The following COL6A6 variants were observed in gnomAD, a reference collection of about 807,000 sequenced individuals.
COL6A6 encodes collagen alpha-6(VI) chain.
In COL6A6, 183 loss-of-function variants were observed where a neutral mutation model predicts 208.6. The observed-to-expected ratio is 0.88, with a 90% CI of 0.78 to 0.99. COL6A6 has a LOEUF of 0.99. Among genes scored for constraint, COL6A6 ranks in the 50% least tolerant of loss-of-function variants. COL6A6 has a pLI of 0.00. For synonymous variants in COL6A6, 973 were observed against 1,011.8 expected, an observed-to-expected ratio of 0.96 and a Z score of 0.73; for missense variants, 2,816 against 2,815.2, an observed-to-expected ratio of 1.00 and a Z score of -0.01.
chr3:130,574,413 C>A lies in COL6A6; in HGVS notation c.3435C>A (p.Leu1145=). The change falls in exon 8 of 37, where the codon CTC becomes CTA. Residue 1145 remains leucine (L), a synonymous_variant. Transcript: ENST00000358511. ...TTGGGGATGTGGATGACCAGCAGCT[C>A]ATTCAGATCACCGGGACTGCAGAGA... ...VGIGDVDDQQ[L]IQITGTAEKK... 2 of 1,614,002 alleles carry A rather than the reference C, an allele frequency of 1.2e-6. No homozygotes were observed. Among genetic ancestry groups the A allele is most frequent in the Non-Finnish European group, 1.7e-6 (2 of 1,179,886 alleles).
intron 8 of COL6A6, among the ~76,000 whole-genome samples, chr3:130,574,955 C>A (rs1241705701): frequency 6.6e-6 from 1 of 152,120 alleles, no homozygotes; most frequent in African/African-American, 2.4e-5. Context: ...AGGTTTATAT[C>A]TTTATTATGA....
chr3:130,662,457 A>G lies in COL6A6; in HGVS notation c.6502+149A>G, dbSNP rs2065962470. On this transcript the variant is annotated intron_variant, in intron 35 of 36. Transcript: ENST00000358511. Reference sequence around the variant, plus strand: ...CAGAAAGGAAAATATATAATGACGGATGGTAGAAGGGAGGAAACCTCTGAT... The same window carrying G: ...CAGAAAGGAAAATATATAATGACGGGTGGTAGAAGGGAGGAAACCTCTGAT... 9 of 736,510 alleles carry G rather than the reference A, an allele frequency of 1.2e-5. No individual in the cohort carries two copies. In the South Asian group the frequency reaches 1.7e-4, roughly 14 times the overall value. The allele number at this position is 736,510 out of a possible 1,614,324, so 45.6% of individuals were successfully genotyped here. A position where few individuals can be genotyped will look rare whatever the true frequency, so the allele number is the denominator to read the frequency against.
intron 23 of COL6A6, among the ~76,000 whole-genome samples, chr3:130,618,809 GTT>G (rs2064615623): frequency 6.6e-6 from 1 of 152,208 alleles, no homozygotes; most frequent in Non-Finnish European, 1.5e-5. Context: ...TATTTTGAAA[GTT>G]CTTAAAACAG....
intron 1 of COL6A6, among the ~76,000 whole-genome samples, chr3:130,552,024 G>A (rs2062653796): frequency 6.6e-6 from 1 of 152,032 alleles, no homozygotes; most frequent in South Asian, 2.1e-4. Flanking sequence ...GAGTGTGGTT[G>A]GTGTGATTTT....
intron 28 of COL6A6, among the ~76,000 whole-genome samples, chr3:130,636,753 TC>T (rs2065123564): frequency 2.6e-5 from 1 of 39,040 alleles, no homozygotes; most frequent in African/African-American, 1.0e-4. Flanking sequence ...CCCCTCCCCT[TC>T]CTCCTCCCCT....
At chr3:130,673,288 T>C (rs1021054194) in intron 36 of COL6A6, among the ~76,000 whole-genome samples, 13 of 146,152 alleles carry the variant, frequency 8.9e-5, no homozygotes, top group Admixed American at 5.4e-4. Context: ...TTCAAAGATA[T>C]GGTATTAATG....
At chr3:130,518,185 G>A (rs1260013721) in intron 1 of COL6A6, among the ~76,000 whole-genome samples, 1 of 152,180 alleles carries the variant, frequency 6.6e-6, no homozygotes, top group African/African-American at 2.4e-5. Context: ...CAGTGGATGG[G>A]TGTGGGGGTG....
intron 33 of COL6A6, among the ~76,000 whole-genome samples, chr3:130,652,631 C>T (rs1216127065): frequency 1.3e-5 from 2 of 152,208 alleles, no homozygotes; most frequent in Non-Finnish European, 2.9e-5. Context: ...ATATATGCAA[C>T]TTGGTTAGAA....
rs201888306 is a variant in COL6A6, at chr3:130,658,145, A to C, written c.5734-531A>C. 2.6e-5 allele frequency among the ~76,000 whole-genome samples: 4 copies of C among 152,316 alleles called. No homozygotes were observed. The East Asian group carries it at 7.7e-4, about 29-fold the overall frequency. ...TATAGTAGAAACCTAAAGATAGTTT[A>C]TAAAGGGCATCCTGTGATTTTACAT... is the stretch of plus-strand genomic sequence containing the variant. On this transcript the variant is annotated intron_variant, in intron 33 of 36. Transcript: ENST00000358511.
chr3:130,623,518 C>T (rs1051689852), intron 24 of COL6A6, among the ~76,000 whole-genome samples: 15 of 152,158 alleles, frequency 9.9e-5, no homozygotes, highest in African/African-American at 3.6e-4. Flanking sequence ...TTGGTACACT[C>T]TTATAGTCTC....
At chr3:130,581,520 T>G in intron 8 of COL6A6, 41 bp from the exon 9 acceptor site, 2 of 1,417,382 alleles carry the variant, frequency 1.4e-6, no homozygotes, top group Non-Finnish European at 1.9e-6. Flanking sequence ...AATAAAGGCG[T>G]TTGTTGATTT....
Position 130,563,418 on chromosome 3 carries a change from G to C in COL6A6, c.415G>C (p.Ala139Pro). Residue 139 changes from alanine (A) to proline (P), a missense_variant, in exon 3 of 37, where the codon GCT becomes CCT. By Grantham distance (27) the Ala-to-Pro change is conservative. Coordinates refer to ENST00000358511, the MANE Select transcript of COL6A6 (RefSeq NM_001102608.3). ...KQFPPILVVL[A>P]SSESEDNVEE... The stretch of plus-strand genomic sequence containing the variant: ...GTTTCCCCCAATTCTAGTGGTCCTG[G>C]CTTCATCTGAGTCTGAGGATAATGT... 1 of 1,614,022 alleles carries C rather than the reference G, an allele frequency of 6.2e-7. No individual in the cohort carries two copies. Among genetic ancestry groups the C allele is most frequent in the Non-Finnish European group, 8.5e-7 (1 of 1,179,896 alleles).
chr3:130,675,649 T>C lies in COL6A6; in HGVS notation c.*252T>C, dbSNP rs2066341613. 2.8e-6 allele frequency: 1 copy of C among 356,048 alleles called. No homozygotes were observed. The highest frequency in any genetic ancestry group is 2.0e-5 in the African/African-American group (1 of 48,812). 22.1% of individuals were successfully genotyped at this position (356,048 alleles called of 1,614,324 possible). A position where few individuals can be genotyped will look rare whatever the true frequency, so the allele number is the denominator to read the frequency against. On this transcript the variant is annotated 3_prime_UTR_variant, in exon 37 of 37. Transcript: ENST00000358511. ...AGAATGAAAGAAGTGTTTTGAAAAGTCTAATGGAGATATAATTTGAAGGTA... is the reference window on the plus strand; with the variant it reads ...AGAATGAAAGAAGTGTTTTGAAAAGCCTAATGGAGATATAATTTGAAGGTA...
intron 1 of COL6A6, among the ~76,000 whole-genome samples, chr3:130,552,823 CGT>C (rs1553775186): frequency 2.4e-4 from 1 of 4,232 alleles, no homozygotes; most frequent in South Asian, 2.6e-3. Context: ...TTTTAAGGAC[CGT>C]CTCTCTTAAG....
At chr3:130,655,101 T>C (rs891007490) in intron 33 of COL6A6, among the ~76,000 whole-genome samples, 6 of 152,184 alleles carry the variant, frequency 3.9e-5, no homozygotes, top group African/African-American at 1.4e-4. Flanking sequence ...GGAAGTTATG[T>C]ATCTTGCAAG....
chr3:130,599,056 C>T (rs931973819), intron 19 of COL6A6, among the ~76,000 whole-genome samples: 3 of 152,180 alleles, frequency 2.0e-5, no homozygotes, highest in Non-Finnish European at 2.9e-5. Context: ...CTATCTCATG[C>T]TCCGTTGCTT....
chr3:130,520,641 T>G (rs976247363), intron 1 of COL6A6, among the ~76,000 whole-genome samples: 1 of 152,244 alleles, frequency 6.6e-6, no homozygotes, highest in African/African-American at 2.4e-5. Flanking sequence ...AAATTCTGGC[T>G]AAATTATGCA....
chr3:130,539,551 G>A (rs112840841), intron 1 of COL6A6, among the ~76,000 whole-genome samples: 2,612 of 151,866 alleles, frequency 0.017, 82 homozygotes, highest in African/African-American at 0.058. Flanking sequence ...GGAGAATGGC[G>A]TGAACCCGGG....
At chr3:130,653,461 A>G (rs539285477) in intron 33 of COL6A6, among the ~76,000 whole-genome samples, 7 of 152,328 alleles carry the variant, frequency 4.6e-5, no homozygotes, top group Non-Finnish European at 1.0e-4. Context: ...AGAATTATTC[A>G]TAATATTCAT....
Sources: gnomAD v4.1 joint callset for allele counts (sites outside exome capture counted in the v4.1 genomes callset) on GRCh38, gnomAD v4.1.1 for gene constraint, MANE v1.5 for transcripts, NCBI Gene and HGNC (gene_info 2026-07-23, HGNC 2026-07-21) for gene names.